SHANK2: variants seen among roughly 807,000 people sequenced by gnomAD.
SHANK2 encodes SH3 and multiple ankyrin repeat domains 2.
Under a neutral mutation model 133.7 loss-of-function variants are expected in SHANK2, and 43 were observed. The observed-to-expected ratio is 0.32, with a 90% CI of 0.25 to 0.41. The LOEUF (loss-of-function observed/expected upper bound fraction) is 0.41, where lower values mean the gene tolerates loss of function less well. Ranked by LOEUF, SHANK2 falls within the 10% of genes least tolerant of loss-of-function variation. The pLI is 1.00. For synonymous variants in SHANK2, 1,017 were observed against 952.8 expected, an observed-to-expected ratio of 1.07 and a Z score of -1.24; for missense variants, 1,994 against 2,235.8, an observed-to-expected ratio of 0.89 and a Z score of 2.18.
chr11:70,687,093 C>CA (rs1555019802), intron 15 of SHANK2, among the ~76,000 whole-genome samples: 2 of 152,228 alleles, frequency 1.3e-5, no homozygotes, highest in Admixed American at 6.5e-5. Context: ...TCATGGTGAC[C>CA]ACTGGCCAGT....
intron 1 of SHANK2, among the ~76,000 whole-genome samples, chr11:71,243,776 T>C (rs528181383): frequency 6.6e-6 from 1 of 152,112 alleles, no homozygotes; most frequent in South Asian, 2.1e-4. Context: ...TCACATGAAG[T>C]GGACACATTT....
chr11:71,077,864 A>G (rs879183315), intron 8 of SHANK2, among the ~76,000 whole-genome samples: 17,189 of 152,170 alleles, frequency 0.11, 1,169 homozygotes, highest in Non-Finnish European at 0.15. Flanking sequence ...GAAAACTAGA[A>G]TATGCCTTGT....
intron 10 of SHANK2, among the ~76,000 whole-genome samples, chr11:70,939,056 C>A (rs925692017): frequency 8.1e-6 from 1 of 123,374 alleles, no homozygotes; most frequent in South Asian, 2.7e-4. Flanking sequence ...GCTGGAAAGA[C>A]CTTCCAAAGG....
At chr11:70,589,764 GAGA>G (rs2060297844) in intron 17 of SHANK2, among the ~76,000 whole-genome samples, 2 of 152,228 alleles carry the variant, frequency 1.3e-5, no homozygotes, top group African/African-American at 4.8e-5. Flanking sequence ...AGCAGGAGTT[GAGA>G]AGAAGTTGAT....
chr11:70,602,127 C>T (rs1410190870), intron 17 of SHANK2, among the ~76,000 whole-genome samples: 1 of 152,188 alleles, frequency 6.6e-6, no homozygotes, highest in African/African-American at 2.4e-5. Context: ...CCCTTGCTTG[C>T]TTTCGCTCTT....
intron 14 of SHANK2, among the ~76,000 whole-genome samples, chr11:70,703,459 T>A (rs1945586871): frequency 6.6e-6 from 1 of 152,196 alleles, no homozygotes; most frequent in South Asian, 2.1e-4. Context: ...CGGGGTGGGC[T>A]AGACGGCCCT....
intron 17 of SHANK2, among the ~76,000 whole-genome samples, chr11:70,553,754 A>G (rs11236611): frequency 0.34 from 51,372 of 152,110 alleles, 9,198 homozygotes; most frequent in Middle Eastern, 0.37. Flanking sequence ...CTGCCACTTG[A>G]GCTTCCAGTG....
chr11:70,948,851 C>A (rs1950792774), intron 10 of SHANK2, among the ~76,000 whole-genome samples: 1 of 152,182 alleles, frequency 6.6e-6, no homozygotes, highest in Admixed American at 6.5e-5. Flanking sequence ...AGTTTAAATA[C>A]CAGCAACACA....
At chr11:70,926,638 T>A (rs540966952) in intron 10 of SHANK2, among the ~76,000 whole-genome samples, 133 of 152,096 alleles carry the variant, frequency 8.7e-4, no homozygotes, top group Admixed American at 4.2e-3. Context: ...TCAAAAACCA[T>A]AGCACTAAAG....
intron 17 of SHANK2, among the ~76,000 whole-genome samples, chr11:70,583,696 C>T (rs575870792): frequency 1.4e-4 from 22 of 152,338 alleles, no homozygotes; most frequent in Admixed American, 2.0e-4. Flanking sequence ...GTCCACTCCA[C>T]GCTCACTGTC....
At chr11:70,567,086 C>T (rs202086687) in intron 17 of SHANK2, among the ~76,000 whole-genome samples, 1 of 152,280 alleles carries the variant, frequency 6.6e-6, no homozygotes, top group Non-Finnish European at 1.5e-5. Context: ...CCATTGTTAT[C>T]GGGTGGTGCC....
chr11:70,492,615 G>A, intron 21 of SHANK2, 150 bp from the exon 22 acceptor site: 1 of 1,037,592 alleles, frequency 9.6e-7, no homozygotes, highest in Non-Finnish European at 1.4e-6. Flanking sequence ...GTGTGCCTCT[G>A]CCACATGCAT....
chr11:71,123,683 G>A (rs1162979520), intron 3 of SHANK2, among the ~76,000 whole-genome samples: 7 of 152,182 alleles, frequency 4.6e-5, no homozygotes, highest in East Asian at 3.9e-4. Flanking sequence ...ACAGCCCTGC[G>A]AGGTGGCTAT....
In SHANK2 at chr11:70,500,376, C is replaced by T. The variant is rs1358598037; in HGVS notation, c.2308+194G>A. Among the ~76,000 whole-genome samples the T allele has an allele frequency of 6.6e-6, 1 of 152,016 alleles. No individual in the cohort carries two copies. Among genetic ancestry groups the T allele is most frequent in the African/African-American group, 2.4e-5 (1 of 41,378 alleles). ...AAACACAGGACACGCTGGGGAATCA[C>T]AGACAGAAGCCAAGCAGAAAGAACA... On this transcript the variant is annotated intron_variant, in intron 21 of 25. Transcript: ENST00000601538. The surrounding 1 kb of genome is among the most constrained non-coding windows in gnomAD (Gnocchi z 4.5).
chr11:71,151,394 T>G (rs1412183057), intron 2 of SHANK2, among the ~76,000 whole-genome samples: 1 of 152,188 alleles, frequency 6.6e-6, no homozygotes, highest in Non-Finnish European at 1.5e-5. Flanking sequence ...CAGCAGGCAC[T>G]CCGGCCTCAC....
At chr11:70,511,993 C>T (rs2059210216) in intron 17 of SHANK2, among the ~76,000 whole-genome samples, 1 of 152,218 alleles carries the variant, frequency 6.6e-6, no homozygotes, top group South Asian at 2.1e-4. Context: ...GAGCCTTCAG[C>T]TATTTAATTT....
At chr11:71,253,101 A>C (rs1948216743), upstream of SHANK2, among the ~76,000 whole-genome samples, 1 of 152,184 alleles carries the variant, frequency 6.6e-6, no homozygotes, top group Admixed American at 6.5e-5. Context: ...CCAGGGGTGC[A>C]CAACGGTATC....
At chr11:71,185,774 C>T (rs938811105) in intron 2 of SHANK2, among the ~76,000 whole-genome samples, 4 of 151,836 alleles carry the variant, frequency 2.6e-5, no homozygotes, top group South Asian at 2.1e-4. Context: ...GCCTCTTGCA[C>T]GTGACCCTTC....
intron 14 of SHANK2, among the ~76,000 whole-genome samples, chr11:70,700,629 C>G (rs1945498030): frequency 2.0e-5 from 3 of 152,192 alleles, no homozygotes; most frequent in Admixed American, 2.0e-4. Context: ...ACACCTGTGC[C>G]CCCCTCCTCC....
Sources: allele counts gnomAD v4.1 joint callset (sites outside exome capture counted in the v4.1 genomes callset), GRCh38; gene constraint gnomAD v4.1.1; non-coding constraint Gnocchi (gnomAD v3.1); transcripts MANE v1.5; gene names NCBI Gene and HGNC (gene_info 2026-07-23, HGNC 2026-07-21).